The following KATNB1 variants were observed in gnomAD, a reference collection of about 807,000 sequenced individuals.
The protein encoded by KATNB1 is katanin p80 WD40 repeat-containing subunit B1.
In KATNB1, 38 loss-of-function variants were observed where a neutral mutation model predicts 82.3. That is an observed-to-expected ratio of 0.46 (90% confidence interval 0.36 to 0.61). KATNB1 has a LOEUF of 0.61. KATNB1 is among the 20% of genes least tolerant of loss of function. The probability of loss-of-function intolerance (pLI) is 0.00; values close to 1 mark genes in which losing one functional copy is unlikely to be tolerated. For missense variants in KATNB1, 749 were observed against 915.7 expected, an observed-to-expected ratio of 0.82 and a Z score of 2.35; for synonymous variants, 361 against 368.7, an observed-to-expected ratio of 0.98 and a Z score of 0.24.
At position 57,736,990 on chromosome 16, in the gene KATNB1, C is replaced by G; in HGVS notation, c.-254C>G. On this transcript the variant is annotated 5_prime_UTR_variant, in exon 2 of 20. Coordinates refer to ENST00000379661, the MANE Select transcript of KATNB1 (RefSeq NM_005886.3). ...GTTTGTATTGCAGCCCTGTATTGAG[C>G]TGAGATGGCTCGAGCCTAACATTCC... The G allele has an allele frequency of 1.4e-6, 1 of 693,230 alleles. No individual in the cohort carries two copies. The highest frequency in any genetic ancestry group is 1.5e-5 in the South Asian group (1 of 66,680). The allele number at this position is 693,230 out of a possible 1,614,324, so 42.9% of individuals were successfully genotyped here.
chr16:57,747,231 A>C (rs1429330789), intron 4 of KATNB1, among the ~76,000 whole-genome samples: 1 of 152,184 alleles, frequency 6.6e-6, no homozygotes, highest in Admixed American at 6.5e-5. Context: ...CGTGCCAGGC[A>C]GGAGGCCACC....
chr16:57,754,039 C>G (rs781996633), intron 13 of KATNB1, 44 bp downstream of exon 13: 1 of 1,520,944 alleles, frequency 6.6e-7, no homozygotes, highest in Non-Finnish European at 9.1e-7. Context: ...TGATGCCCCC[C>G]CGTCCCTCAT....
chr16:57,755,330 G>A lies in KATNB1; in HGVS notation c.1417-15G>A. On this transcript the variant is annotated splice_polypyrimidine_tract_variant and intron_variant, in intron 15 of 19. Transcript: ENST00000379661. ...GCTCCTCCCATGCCAGCATCTGGGT[G>A]TCCATCCCACGCAGGCCGTGAAGAT... 2 of 1,612,666 alleles carry A rather than the reference G, an allele frequency of 1.2e-6. No homozygotes were observed. The highest frequency in any genetic ancestry group is 1.7e-6 in the Non-Finnish European group (2 of 1,179,836).
chr16:57,753,301 G>A, intron 11 of KATNB1, 34 bp downstream of exon 11: 1 of 1,581,620 alleles, frequency 6.3e-7, no homozygotes, highest in Non-Finnish European at 8.6e-7. Flanking sequence ...GGGCCCAGGA[G>A]AGGGACTGTC....
intron 4 of KATNB1, among the ~76,000 whole-genome samples, chr16:57,747,402 T>C (rs1368038461): frequency 1.3e-5 from 2 of 152,244 alleles, no homozygotes; most frequent in Non-Finnish European, 2.9e-5. Context: ...GAGCCACACA[T>C]GCACAGTGGC....
chr16:57,749,778 A>T (rs538353246), intron 4 of KATNB1, among the ~76,000 whole-genome samples: 69 of 152,306 alleles, frequency 4.5e-4, no homozygotes, highest in Non-Finnish European at 8.1e-4. Context: ...AGGAAAGGAT[A>T]GGAGATGTGG....
rs368534254 is a variant in KATNB1, at chr16:57,755,527, C to T, written c.1566+33C>T. 241 of 1,597,666 alleles carry T rather than the reference C, an allele frequency of 1.5e-4. 2 individuals are homozygous for T. Among genetic ancestry groups the T allele is most frequent in the Non-Finnish European group, 4.5e-5 (53 of 1,169,506 alleles). On this transcript the variant is annotated intron_variant, in intron 16 of 19. Coordinates refer to ENST00000379661, the MANE Select transcript of KATNB1 (RefSeq NM_005886.3). Reference sequence around the variant, plus strand: ...CCCACCCTTGCACAGGGCCTCATCTCGCCCCCCTGCCCCTGCCACCTGCCT... The same window carrying T: ...CCCACCCTTGCACAGGGCCTCATCTTGCCCCCCTGCCCCTGCCACCTGCCT...
At chr16:57,750,802 C>G (rs1555582803) in intron 4 of KATNB1, 25 bp from the exon 5 acceptor site, 2 of 1,596,298 alleles carry the variant, frequency 1.3e-6, no homozygotes, top group South Asian at 1.1e-5. Flanking sequence ...CTCTTAGCCA[C>G]TGTCTCTGCT....
rs1361186601 is a variant in KATNB1 at position 57,755,202 on chromosome 16, C to G, written c.1380C>G (p.Asn460Lys). 3 of 1,611,842 alleles carry G rather than the reference C, an allele frequency of 1.9e-6. No homozygotes were observed. The highest frequency in any genetic ancestry group is 2.7e-5 in the African/African-American group (2 of 74,942). Reference protein sequence around the residue: ...AEPAIIPATRNEPIGLKASDF... With the variant: ...AEPAIIPATRKEPIGLKASDF... ...CTGCCATCATCCCTGCCACCCGGAA[C>G]GAGCCCATCGGGCTGAAGGCCTCCG... is the stretch of plus-strand genomic sequence containing the variant. The change falls in exon 15 of 20, where the codon AAC becomes AAG. Residue 460 changes from asparagine to lysine, a missense_variant. By Grantham distance (94) the Asn-to-Lys change is moderately conservative. Transcript: ENST00000379661.
chr16:57,748,671 G>T (rs1555582218), intron 4 of KATNB1, among the ~76,000 whole-genome samples: 1 of 152,160 alleles, frequency 6.6e-6, no homozygotes. Context: ...GGCATCAGAG[G>T]CCTTCGTGGG....
At chr16:57,739,100 C>T (rs1433175364) in intron 2 of KATNB1, among the ~76,000 whole-genome samples, 3 of 152,166 alleles carry the variant, frequency 2.0e-5, no homozygotes, top group African/African-American at 7.2e-5. Context: ...AATGTGGGGC[C>T]GCACGGACCT....
chr16:57,746,745 C>A (rs1422985550), intron 4 of KATNB1, among the ~76,000 whole-genome samples: 2 of 152,018 alleles, frequency 1.3e-5, no homozygotes, highest in Admixed American at 6.6e-5. Flanking sequence ...ACGGATTTTT[C>A]AAGAGAGGCT....
chr16:57,756,204 G>C, intron 18 of KATNB1, 138 bp downstream of exon 18: 2 of 1,170,290 alleles, frequency 1.7e-6, no homozygotes, highest in Non-Finnish European at 2.5e-6. Context: ...CCCCTCAACA[G>C]TCCGGAGGTG....
chr16:57,751,505 C>A lies in KATNB1; in HGVS notation c.433-136C>A. 2.0e-6 allele frequency: 2 copies of A among 979,696 alleles called. No individual in the cohort carries two copies. Among genetic ancestry groups the A allele is most frequent in the South Asian group, 1.4e-5 (1 of 73,498 alleles). 60.7% of individuals were successfully genotyped at this position (979,696 alleles called of 1,614,324 possible). A position where few individuals can be genotyped will look rare whatever the true frequency, so the allele number is the denominator to read the frequency against. On this transcript the variant is annotated intron_variant, in intron 6 of 19. Coordinates refer to ENST00000379661, the MANE Select transcript of KATNB1 (RefSeq NM_005886.3). The surrounding 1 kb of genome is among the most constrained non-coding windows in gnomAD (Gnocchi z 6.3). ...TGCATGAATCCCCTAGAGCCACGTT[C>A]ATCAAACTGCTCCAAGCAGAACCAG...
At position 57,744,530 on chromosome 16, in the gene KATNB1, C is replaced by T. The variant is rs1555580781; in HGVS notation, c.289+19C>T. The T allele has an allele frequency of 6.4e-7, 1 of 1,573,186 alleles. No homozygotes were observed. Among genetic ancestry groups the T allele is most frequent in the African/African-American group, 1.3e-5 (1 of 74,092 alleles). ...GCCAAAAGTAGGCCTCCGAGCTTGC[C>T]TCCTGTGCACGCACACCTGCCTTAG... On this transcript the variant is annotated intron_variant, in intron 4 of 19. Transcript: ENST00000379661.
rs2967123 is a variant in KATNB1 at position 57,754,440 on chromosome 16, G to A, written c.1228+445G>A. Among the ~76,000 whole-genome samples the A allele has an allele frequency of 4.6e-5, 7 of 152,176 alleles. No individual in the cohort carries two copies. In the East Asian group the frequency reaches 5.8e-4, roughly 13 times the overall value. ...GAGCTGAGAGGAGGTGAGCTGGGGC[G>A]AGTCCCAGCAAGAGGTCAGGCCCAC... is the stretch of plus-strand genomic sequence containing the variant. On this transcript the variant is annotated intron_variant, in intron 13 of 19. Coordinates refer to ENST00000379661, the MANE Select transcript of KATNB1 (RefSeq NM_005886.3).
chr16:57,755,556 C>A, intron 16 of KATNB1, 62 bp downstream of exon 16: 1 of 1,577,938 alleles, frequency 6.3e-7, no homozygotes, highest in African/African-American at 1.3e-5. Context: ...CCTGCCTGCC[C>A]GGGCTTGGGG....
rs1555583715 is a variant in KATNB1 at position 57,752,568 on chromosome 16, T to C, written c.671T>C (p.Val224Ala). ...TGGGACCTGGAGAAGTTCCAGGTGGTGAGCTGCATCGAAGGGGAGCCTGGG... is the reference window on the plus strand; with the variant it reads ...TGGGACCTGGAGAAGTTCCAGGTGGCGAGCTGCATCGAAGGGGAGCCTGGG... ...RFWDLEKFQVVSCIEGEPGPV... is the reference protein window; with the variant it reads ...RFWDLEKFQVASCIEGEPGPV... The change falls in exon 9 of 20, where the codon GTG becomes GCG. Residue 224 changes from valine (V) to alanine (A), a missense_variant. Val to Ala is a moderately conservative substitution (Grantham distance 64). Around this residue, in one of 3 missense-constraint regions of KATNB1, gnomAD observed 247 missense variants for 349.4 expected, o/e 0.71. Coordinates refer to ENST00000379661, the MANE Select transcript of KATNB1 (RefSeq NM_005886.3). The C allele has an allele frequency of 5.7e-6, 9 of 1,570,424 alleles. No individual in the cohort carries two copies. The highest frequency in any genetic ancestry group is 7.8e-6 in the Non-Finnish European group (9 of 1,157,772).
rs988085395 is a variant in KATNB1 at position 57,753,467 on chromosome 16, G to T, written c.1125G>T (p.Glu375Asp). Residue 375 changes from glutamate to aspartate, a missense_variant, in exon 12 of 20, where the codon GAG becomes GAT. This residue lies in a region of KATNB1 where 407 missense variants were observed against 434.7 expected (regional missense o/e 0.94). Transcript: ENST00000379661. ...GGGACGAGCGCGAGTCCCGCGCGGAGATCCAGAACGCCGAGGACTACAACG... is the reference window on the plus strand; with the variant it reads ...GGGACGAGCGCGAGTCCCGCGCGGATATCCAGAACGCCGAGGACTACAACG... ...DDRDERESRA[E>D]IQNAEDYNEI... The T allele has an allele frequency of 6.2e-7, 1 of 1,613,234 alleles. No individual in the cohort carries two copies. The highest frequency in any genetic ancestry group is 1.6e-4 in the Middle Eastern group (1 of 6,062).
Sources: gnomAD v4.1 joint callset for allele counts (sites outside exome capture counted in the v4.1 genomes callset) on GRCh38, gnomAD v4.1.1 for gene constraint, gnomAD v4.1.1 regional missense constraint, Gnocchi (gnomAD v3.1) non-coding constraint, MANE v1.5 for transcripts, NCBI Gene and HGNC (gene_info 2026-07-23, HGNC 2026-07-21) for gene names.